Variants in LMO7 observed in about 807,000 individuals in gnomAD.
LMO7 encodes the protein LIM domain only protein 7.
A neutral mutation model predicts 206.5 loss-of-function variants in LMO7; 120 were observed. The ratio of observed to expected loss-of-function variants is 0.58; its 90% CI spans 0.50 to 0.68. LMO7 has a LOEUF of 0.68. LMO7 is among the 30% of genes least tolerant of loss of function. LMO7 has a pLI of 0.00. For missense variants in LMO7, 1,959 were observed against 1,957.9 expected (o/e 1.00, Z -0.01); for synonymous variants, 706 against 681.5 (o/e 1.04, Z -0.56).
intron 1 of LMO7, among the ~76,000 whole-genome samples, chr13:75,670,311 A>G (rs535270900): frequency 1.9e-4 from 29 of 152,026 alleles, no homozygotes; most frequent in Non-Finnish European, 3.7e-4. Flanking sequence ...TGCTTCTTTT[A>G]TTTTCTGCCA....
chr13:75,643,768 T>A (rs986104385), intron 1 of LMO7, among the ~76,000 whole-genome samples: 1 of 152,240 alleles, frequency 6.6e-6, no homozygotes, highest in Non-Finnish European at 1.5e-5. Context: ...CTTAAAGAGA[T>A]GGACAATAGC....
At chr13:75,768,545 A>G (rs555513637) in intron 4 of LMO7, among the ~76,000 whole-genome samples, 2 of 152,170 alleles carry the variant, frequency 1.3e-5, no homozygotes, top group East Asian at 3.9e-4. Flanking sequence ...TCTGATTTGA[A>G]TGTTTCCTTA....
Position 75,623,124 on chromosome 13 carries a change from T to C in LMO7, c.176-147T>C, listed in dbSNP as rs2033541943. 1.4e-5 allele frequency: 7 copies of C among 495,678 alleles called. No individual in the cohort carries two copies. In the South Asian group the frequency reaches 1.8e-4, roughly 13 times the overall value. 30.7% of individuals were successfully genotyped at this position (495,678 alleles called of 1,614,324 possible). ...TTTGACTCTTTTGGGGACCAGCATTTATTTATTTTGGCATCTCTACTAAAT... is the reference window on the plus strand; with the variant it reads ...TTTGACTCTTTTGGGGACCAGCATTCATTTATTTTGGCATCTCTACTAAAT... On this transcript the variant is annotated intron_variant, in intron 1 of 29. Coordinates refer to the LMO7 transcript ENST00000341547.
At chr13:75,732,407 T>G (rs2045337672) in intron 3 of LMO7, among the ~76,000 whole-genome samples, 1 of 152,240 alleles carries the variant, frequency 6.6e-6, no homozygotes, top group Admixed American at 6.5e-5. Context: ...TTTCTTCCAG[T>G]TGATCGCATC....
Position 75,840,508 on chromosome 13 carries a change from C to T in LMO7, c.3582+13C>T. 4.3e-6 allele frequency: 7 copies of T among 1,612,882 alleles called. No homozygotes were observed. The highest frequency in any genetic ancestry group is 5.9e-6 in the Non-Finnish European group (7 of 1,179,470). On this transcript the variant is annotated intron_variant, in intron 22 of 30. Transcript: ENST00000377534. ...CCGCCTACTGCAGGTAGCTCTGGCTCACGTGGACGGGTAGAAACTAGGTTG... is the reference window on the plus strand; with the variant it reads ...CCGCCTACTGCAGGTAGCTCTGGCTTACGTGGACGGGTAGAAACTAGGTTG...
At chr13:75,728,172 C>A (rs192260006) in intron 3 of LMO7, among the ~76,000 whole-genome samples, 1,642 of 152,146 alleles carry the variant, frequency 0.011, 24 homozygotes, top group East Asian at 0.06. Flanking sequence ...TGGTATTTCT[C>A]GTTCTAGATC....
intron 2 of LMO7, among the ~76,000 whole-genome samples, chr13:75,717,914 C>A (rs2043688320): frequency 6.6e-6 from 1 of 152,206 alleles, no homozygotes; most frequent in South Asian, 2.1e-4. Context: ...CACTATTAAC[C>A]CTGATCTGTT....
intron 14 of LMO7, among the ~76,000 whole-genome samples, chr13:75,821,838 A>G (rs2057602152): frequency 6.6e-6 from 1 of 152,256 alleles, no homozygotes; most frequent in Non-Finnish European, 1.5e-5. Flanking sequence ...GATACATTTT[A>G]AAGAATGAAT....
intron 1 of LMO7, among the ~76,000 whole-genome samples, chr13:75,696,046 C>T (rs1178370033): frequency 6.6e-6 from 1 of 152,136 alleles, no homozygotes; most frequent in East Asian, 1.9e-4. Flanking sequence ...TGCCTGATTT[C>T]CTTACATTTC....
intron 2 of LMO7, among the ~76,000 whole-genome samples, chr13:75,723,534 C>T (rs2044209258): frequency 1.3e-5 from 2 of 152,188 alleles, no homozygotes; most frequent in African/African-American, 4.8e-5. Context: ...GCATTTAGAA[C>T]TAGCTTCTGG....
At chr13:75,843,010 C>G in intron 25 of LMO7, 94 bp downstream of exon 25, 1 of 820,986 alleles carries the variant, frequency 1.2e-6, no homozygotes, top group Non-Finnish European at 2.1e-6. Context: ...CTACTTTAGC[C>G]CTTTGTCATT....
intron 2 of LMO7, among the ~76,000 whole-genome samples, chr13:75,631,063 G>C (rs1255510337): frequency 2.6e-5 from 4 of 152,042 alleles, no homozygotes; most frequent in African/African-American, 4.8e-5. Context: ...ATCTCTCTCT[G>C]TTGCCCAGGC....
intron 1 of LMO7, among the ~76,000 whole-genome samples, chr13:75,663,572 A>G (rs976910484): frequency 4.0e-5 from 6 of 150,392 alleles, no homozygotes; most frequent in African/African-American, 1.2e-4. Context: ...CTGGGAGTAC[A>G]GGCTCCCGCC....
In LMO7 at chr13:75,726,205, T is replaced by A. The variant is rs1594548802; in HGVS notation, c.141-824T>A. ...CCAAGCTAACATTAATAGAAAAGCA[T>A]TTTTATAGTATTAAATTTCTACGCA... On this transcript the variant is annotated intron_variant, in intron 2 of 30. Transcript: ENST00000377534. Among the ~76,000 whole-genome samples, 10 of 152,136 alleles carry A rather than the reference T, an allele frequency of 6.6e-5. No homozygotes were observed. The South Asian group carries it at 2.1e-3, about 32-fold the overall frequency.
intron 30 of LMO7, 132 bp from the exon 31 acceptor site, chr13:75,857,787 TAA>T: frequency 1.9e-6 from 1 of 524,368 alleles, no homozygotes; most frequent in Non-Finnish European, 3.4e-6. Flanking sequence ...AGCTTTATCC[TAA>T]GAGTGAGTGA....
intron 1 of LMO7, among the ~76,000 whole-genome samples, chr13:75,650,602 C>T (rs775564777): frequency 6.6e-6 from 1 of 152,138 alleles, no homozygotes; most frequent in Non-Finnish European, 1.5e-5. Flanking sequence ...ATTGCACTGT[C>T]GAAAACATGG....
intron 4 of LMO7, among the ~76,000 whole-genome samples, chr13:75,763,933 C>A (rs1341856450): frequency 1.3e-5 from 2 of 152,170 alleles, no homozygotes; most frequent in African/African-American, 4.8e-5. Context: ...CTGAAGTTTA[C>A]AATTTAATTC....
chr13:75,665,077 A>G (rs2038964280), intron 1 of LMO7, among the ~76,000 whole-genome samples: 1 of 152,172 alleles, frequency 6.6e-6, no homozygotes, highest in African/African-American at 2.4e-5. Context: ...TATATAGAAT[A>G]AAATGTTTTT....
chr13:75,691,677 A>T (rs1011881742), intron 1 of LMO7, among the ~76,000 whole-genome samples: 1 of 152,170 alleles, frequency 6.6e-6, no homozygotes, highest in Non-Finnish European at 1.5e-5. Context: ...TGTACCCTAC[A>T]TACTACAGGG....
Sources: allele counts gnomAD v4.1 joint callset (sites outside exome capture counted in the v4.1 genomes callset), GRCh38; gene constraint gnomAD v4.1.1; transcripts MANE v1.5; gene names NCBI Gene and HGNC (gene_info 2026-07-23, HGNC 2026-07-21).